Variants in FCHSD2 observed in about 807,000 individuals in gnomAD.
The protein encoded by FCHSD2 is FCH and double SH3 domains 2, also known as F-BAR and double SH3 domains protein 2.
Under a neutral mutation model 108.1 loss-of-function variants are expected in FCHSD2, and 38 were observed. That is an observed-to-expected ratio of 0.35 (90% CI 0.27 to 0.46). The LOEUF (loss-of-function observed/expected upper bound fraction) is 0.46. Among genes scored for constraint, FCHSD2 ranks in the 20% least tolerant of loss-of-function variants. The probability of loss-of-function intolerance (pLI) is 1.00; values close to 1 mark genes in which losing one functional copy is unlikely to be tolerated. For missense variants in FCHSD2, 751 were observed against 897.8 expected (o/e 0.84, Z 2.09); for synonymous variants, 279 against 314.7 (o/e 0.89, Z 1.20).
chr11:73,057,027 G>C (rs554161290), intron 3 of FCHSD2, among the ~76,000 whole-genome samples: 13 of 149,716 alleles, frequency 8.7e-5, no homozygotes, highest in Middle Eastern at 3.5e-3. Flanking sequence ...AGCTTGCAGT[G>C]AGCCGAGATC....
chr11:73,096,428 G>C (rs916416076), intron 2 of FCHSD2, among the ~76,000 whole-genome samples: 1 of 150,790 alleles, frequency 6.6e-6, no homozygotes, highest in African/African-American at 2.4e-5. Context: ...GCGGGCGCCT[G>C]TAATTCCAGC....
rs540007823 is a variant in FCHSD2 at position 72,917,623 on chromosome 11, C to T, written c.828+4205G>A. 3.3e-5 allele frequency among the ~76,000 whole-genome samples: 5 copies of T among 152,276 alleles called. No individual in the cohort carries two copies. The South Asian group carries it at 6.2e-4, about 19-fold the overall frequency. ...AGACTGGGCCGAGTGCAGTGGCTGA[C>T]GCCTGTAATCCCAGCACTTTGGGAG... On this transcript the variant is annotated intron_variant, in intron 9 of 19. Coordinates refer to ENST00000409418, the MANE Select transcript of FCHSD2 (RefSeq NM_014824.3).
At chr11:72,970,952 C>T (rs1856995991) in intron 8 of FCHSD2, among the ~76,000 whole-genome samples, 2 of 152,154 alleles carry the variant, frequency 1.3e-5, no homozygotes, top group African/African-American at 4.8e-5. Flanking sequence ...AGGTCTGAGT[C>T]AATAGGCAGC....
chr11:73,129,872 C>CTTTT (rs35445043), intron 2 of FCHSD2, among the ~76,000 whole-genome samples: 3 of 124,146 alleles, frequency 2.4e-5, no homozygotes, highest in African/African-American at 3.2e-5. Flanking sequence ...CCTTCATAAT[C>CTTTT]TTTTTTTTTT....
chr11:72,999,868 C>A (rs1857591165), intron 5 of FCHSD2, among the ~76,000 whole-genome samples: 1 of 16,332 alleles, frequency 6.1e-5, no homozygotes, highest in African/African-American at 9.5e-5. Flanking sequence ...CACAATCAGA[C>A]ACACACACAC....
In FCHSD2 at chr11:72,921,746, A is replaced by T. The variant is rs1855979115; in HGVS notation, c.828+82T>A. ...GTTAATGCATTCTTCTAATATCACTAGTACCTTCATTTTCTTTGTATGCAG... is the reference window on the plus strand; with the variant it reads ...GTTAATGCATTCTTCTAATATCACTTGTACCTTCATTTTCTTTGTATGCAG... On this transcript the variant is annotated intron_variant, in intron 9 of 19. Transcript: ENST00000409418. 8 of 1,127,770 alleles carry T rather than the reference A, an allele frequency of 7.1e-6. No homozygotes were observed. The Admixed American group carries it at 1.6e-4, about 23-fold the overall frequency. The allele number at this position is 1,127,770 out of a possible 1,614,324, so 69.9% of individuals were successfully genotyped here. A position where few individuals can be genotyped will look rare whatever the true frequency, so the allele number is the denominator to read the frequency against.
chr11:73,052,597 C>G (rs966997432), intron 3 of FCHSD2, among the ~76,000 whole-genome samples: 1 of 151,930 alleles, frequency 6.6e-6, no homozygotes, highest in African/African-American at 2.4e-5. Flanking sequence ...GAAACACTGT[C>G]GAAAATAAAC....
intron 3 of FCHSD2, among the ~76,000 whole-genome samples, chr11:73,029,730 C>A (rs1003429043): frequency 6.6e-6 from 1 of 152,128 alleles, no homozygotes; most frequent in Non-Finnish European, 1.5e-5. Flanking sequence ...TCCCTGTCTT[C>A]ATTTTCCCAC....
In FCHSD2 at chr11:72,845,460, AACAAC is replaced by A. The variant is rs1194312046; in HGVS notation, c.1444-1933_1444-1929del. On this transcript the variant is annotated intron_variant, in intron 14 of 19. Transcript: ENST00000409418. ...CTCAAAAAAAAAAAAAAAAAAAAAAAACAACAACAAACAAACAAAAACCATGGAGG... is the reference window on the plus strand; with the variant it reads ...CTCAAAAAAAAAAAAAAAAAAAAAAAAACAAACAAACAAAAACCATGGAGG... 9.3e-3 allele frequency among the ~76,000 whole-genome samples: 377 copies of A among 40,364 alleles called. 6 individuals carry two copies. The highest frequency in any genetic ancestry group is 0.023 in the African/African-American group (319 of 13,720). 26.5% of individuals were successfully genotyped at this position (40,364 alleles called of 152,430 possible).
chr11:73,109,700 G>A (rs1203062852), intron 2 of FCHSD2, among the ~76,000 whole-genome samples: 1 of 151,898 alleles, frequency 6.6e-6, no homozygotes, highest in Non-Finnish European at 1.5e-5. Context: ...TCTTTCTCTT[G>A]TCTGACTGCT....
Position 72,887,541 on chromosome 11 carries a change from C to G in FCHSD2, c.1075G>C (p.Val359Leu). Residue 359 changes from valine to leucine, a missense_variant, in exon 12 of 20, where the codon GTA (valine) becomes CTA (leucine). Coordinates refer to ENST00000409418, the MANE Select transcript of FCHSD2 (RefSeq NM_014824.3). The part of the protein sequence containing the change: ...LNDLECHGAA[V>L]SEQSRAELEQ... ...AGCTCTGCTCGGCTTTGTTCTGATA[C>G]AGCAGCTCCATGACACTCCAGATCA... is the stretch of plus-strand genomic sequence containing the variant. 6.3e-7 allele frequency: 1 copy of G among 1,599,688 alleles called. No homozygotes were observed.
intron 3 of FCHSD2, among the ~76,000 whole-genome samples, chr11:73,082,599 A>T (rs1426703254): frequency 6.6e-6 from 1 of 152,114 alleles, no homozygotes; most frequent in African/African-American, 2.4e-5. Context: ...GACAAAGCCT[A>T]AAAGAGTCAT....
intron 4 of FCHSD2, among the ~76,000 whole-genome samples, chr11:73,010,835 C>T (rs1250613366): frequency 6.6e-6 from 1 of 152,224 alleles, no homozygotes; most frequent in Non-Finnish European, 1.5e-5. Flanking sequence ...AGGTGGCTTA[C>T]TCAGATGCTG....
At chr11:73,080,295 T>TTAA (rs1565400571) in intron 3 of FCHSD2, among the ~76,000 whole-genome samples, 1 of 75,052 alleles carries the variant, frequency 1.3e-5, no homozygotes, top group African/African-American at 5.9e-5. Context: ...AGACCCTGTC[T>TTAA]CAAAAAAAAA....
At chr11:73,133,792 CAAAAA>C (rs56104779) in intron 2 of FCHSD2, among the ~76,000 whole-genome samples, 1 of 65,854 alleles carries the variant, frequency 1.5e-5, no homozygotes, top group Admixed American at 1.7e-4. Context: ...AACTCCGTCT[CAAAAA>C]AAAAAAAAAA....
intron 8 of FCHSD2, among the ~76,000 whole-genome samples, chr11:72,956,370 G>A (rs1391954070): frequency 6.6e-6 from 1 of 152,112 alleles, no homozygotes; most frequent in East Asian, 1.9e-4. Flanking sequence ...GTATGCTAAG[G>A]CTGGTGAGTG....
intron 14 of FCHSD2, 114 bp downstream of exon 14, chr11:72,849,641 T>C: frequency 1.2e-6 from 1 of 827,588 alleles, no homozygotes; most frequent in Non-Finnish European, 1.9e-6. Context: ...TGCCCCAATA[T>C]TAACCTAATA....
intron 12 of FCHSD2, among the ~76,000 whole-genome samples, chr11:72,870,468 A>T (rs544389608): frequency 8.6e-5 from 13 of 151,890 alleles, no homozygotes; most frequent in Non-Finnish European, 1.8e-4. Flanking sequence ...TTCTTTCAAG[A>T]TTGGCTCTAC....
chr11:72,930,031 T>C (rs562757336), intron 8 of FCHSD2, among the ~76,000 whole-genome samples: 1 of 152,304 alleles, frequency 6.6e-6, no homozygotes, highest in African/African-American at 2.4e-5. Flanking sequence ...GAGGCATTTA[T>C]CTTAATTGGG....
Sources: allele counts gnomAD v4.1 joint callset (sites outside exome capture counted in the v4.1 genomes callset), GRCh38; gene constraint gnomAD v4.1.1; transcripts MANE v1.5; gene names NCBI Gene and HGNC (gene_info 2026-07-23, HGNC 2026-07-21).